The following ANKRD36 variants were observed in gnomAD, a reference collection of about 807,000 sequenced individuals.
ANKRD36 encodes ankyrin repeat domain-containing protein 36A.
A neutral mutation model predicts 278.1 loss-of-function variants in ANKRD36; 179 were observed. That is an observed-to-expected ratio of 0.64 (90% CI 0.57 to 0.73). The LOEUF (loss-of-function observed/expected upper bound fraction) is 0.73. Ranked by LOEUF, ANKRD36 falls within the 30% of genes least tolerant of loss-of-function variation. ANKRD36 has a pLI of 0.00. For synonymous variants in ANKRD36, 320 were observed against 641.1 expected (o/e 0.50, Z 7.57); for missense variants, 1,159 against 1,956.7 (o/e 0.59, Z 7.69).
chr2:97,218,369 G>C (rs1282705859), intron 64 of ANKRD36, among the ~76,000 whole-genome samples: 2 of 144,526 alleles, frequency 1.4e-5, no homozygotes, highest in African/African-American at 5.4e-5. Flanking sequence ...CTTTTTGATG[G>C]GGTTTATATA....
chr2:97,208,362 A>G (rs1413076468), intron 54 of ANKRD36, among the ~76,000 whole-genome samples: 1 of 146,622 alleles, frequency 6.8e-6, no homozygotes, highest in African/African-American at 2.7e-5. Context: ...TTCAGCTCGT[A>G]CTGCCAAGAA....
chr2:97,136,960 C>T (rs2041677861), intron 6 of ANKRD36, among the ~76,000 whole-genome samples: 1 of 151,910 alleles, frequency 6.6e-6, no homozygotes, highest in Non-Finnish European at 1.5e-5. Context: ...ATGCTAAGCA[C>T]ATAAGAAAGG....
chr2:97,220,777 T>TAAA (rs1486058675), intron 66 of ANKRD36, among the ~76,000 whole-genome samples: 2 of 94,526 alleles, frequency 2.1e-5, no homozygotes, highest in East Asian at 2.8e-4. Flanking sequence ...TTTTTTTAAT[T>TAAA]TTTTTTTTTT....
At chr2:97,220,602 A>C (rs1291149717) in intron 66 of ANKRD36, among the ~76,000 whole-genome samples, 1 of 151,682 alleles carries the variant, frequency 6.6e-6, no homozygotes, top group Non-Finnish European at 1.5e-5. Context: ...CCGTATATGT[A>C]TCACATTTTT....
At chr2:97,233,090 A>G (rs2072737413) in intron 67 of ANKRD36, among the ~76,000 whole-genome samples, 1 of 151,826 alleles carries the variant, frequency 6.6e-6, no homozygotes, top group Non-Finnish European at 1.5e-5. Flanking sequence ...AGAAGCCGTT[A>G]TGTGACAACT....
chr2:97,131,381 A>T (rs1445799831), intron 6 of ANKRD36, among the ~76,000 whole-genome samples: 1 of 151,828 alleles, frequency 6.6e-6, no homozygotes, highest in East Asian at 1.9e-4. Context: ...TTTATTTTTT[A>T]GAGACAAGGG....
At chr2:97,197,076 C>A (rs1203680495) in intron 42 of ANKRD36, among the ~76,000 whole-genome samples, 5 of 151,898 alleles carry the variant, frequency 3.3e-5, no homozygotes, top group Admixed American at 6.6e-5. Flanking sequence ...CTTTAATTCT[C>A]CAGCTTGTTT....
chr2:97,122,836 GTTGATAAATATGTAAT>G (rs2037272848), intron 3 of ANKRD36, 35 bp from the exon 4 acceptor site: 2 of 1,484,230 alleles, frequency 1.3e-6, no homozygotes, highest in East Asian at 5.3e-5. Flanking sequence ...TTTCAGTTCA[GTTGATAAATATGTAAT>G]TTTGTGATTA....
chr2:97,200,738 G>A (rs1223861159), intron 46 of ANKRD36, among the ~76,000 whole-genome samples: 1 of 151,878 alleles, frequency 6.6e-6, no homozygotes, highest in Non-Finnish European at 1.5e-5. Context: ...ATTACAATTG[G>A]GAGGAAGAAA....
chr2:97,164,445 A>G lies in ANKRD36; in HGVS notation c.1507A>G (p.Met503Val). ...CATTTCAACTAGATTCTTAGGAGGT[A>G]TGGATTCACTAACTTCCAGTGAAGG... is the stretch of plus-strand genomic sequence containing the variant. ...DHISTRFLGG[M>V]DSLTSSEESS... Residue 503 changes from methionine (M) to valine (V), a missense_variant, in exon 20 of 76, where the codon ATG (methionine) becomes GTG (valine). By Grantham distance (21) the Met-to-Val change is conservative. Coordinates refer to ENST00000420699, the MANE Select transcript of ANKRD36 (RefSeq NM_001354587.1). 5 of 1,537,222 alleles carry G rather than the reference A, an allele frequency of 3.3e-6. No individual in the cohort carries two copies. The highest frequency in any genetic ancestry group is 2.4e-5 in the East Asian group (1 of 40,900).
At chr2:97,194,684 A>G (rs765696655) in intron 38 of ANKRD36, 42 bp from the exon 39 acceptor site, 7 of 1,596,270 alleles carry the variant, frequency 4.4e-6, no homozygotes, top group Non-Finnish European at 6.0e-6. Flanking sequence ...TAACTTTATC[A>G]TATTTACATG....
chr2:97,191,314 A>G, intron 36 of ANKRD36, 133 bp downstream of exon 36: 2 of 1,145,504 alleles, frequency 1.7e-6, no homozygotes, highest in South Asian at 1.7e-5. Context: ...CTTCATTTGC[A>G]GTAAGTTCTT....
At chr2:97,127,320 G>A (rs982659803) in intron 6 of ANKRD36, among the ~76,000 whole-genome samples, 186 bp downstream of exon 6, 17 of 151,756 alleles carry the variant, frequency 1.1e-4, no homozygotes, top group Non-Finnish European at 1.9e-4. Flanking sequence ...TATAATGTCA[G>A]TATTGTTTGA....
At chr2:97,212,004 G>A (rs1177139750) in intron 58 of ANKRD36, among the ~76,000 whole-genome samples, 5 of 151,960 alleles carry the variant, frequency 3.3e-5, no homozygotes, top group Middle Eastern at 3.4e-3. Flanking sequence ...AGGCTCAGGG[G>A]ACAGCATCAT....
intron 67 of ANKRD36, among the ~76,000 whole-genome samples, chr2:97,231,950 C>A (rs2072276462): frequency 1.3e-5 from 2 of 152,208 alleles, no homozygotes; most frequent in East Asian, 3.9e-4. Flanking sequence ...TACCACAAGT[C>A]ATCTCCTAAT....
chr2:97,155,596 A>G (rs1166855007), intron 15 of ANKRD36, among the ~76,000 whole-genome samples: 1 of 146,278 alleles, frequency 6.8e-6, no homozygotes, highest in African/African-American at 2.4e-5. Context: ...TAAAATAACA[A>G]CCTGTTTGAT....
At position 97,209,677 on chromosome 2, in the gene ANKRD36, T is replaced by G. The variant is rs1369426712; in HGVS notation, c.3266-4T>G. 1.3e-6 allele frequency: 2 copies of G among 1,584,840 alleles called. No individual in the cohort carries two copies. Among genetic ancestry groups the G allele is most frequent in the African/African-American group, 2.9e-5 (2 of 68,354 alleles). ...AGTGATTATGTATCCCTTTTGCTTT[T>G]CAGTGTCTTCTCGGAAAAAACCAGC... is the stretch of plus-strand genomic sequence containing the variant. On this transcript the variant is annotated splice_polypyrimidine_tract_variant and splice_region_variant and intron_variant, in intron 54 of 75. Coordinates refer to ENST00000420699, the MANE Select transcript of ANKRD36 (RefSeq NM_001354587.1).
Position 97,164,435 on chromosome 2 carries a change from C to A in ANKRD36, c.1497C>A (p.Phe499Leu), listed in dbSNP as rs976624205. 130 of 1,537,296 alleles carry A rather than the reference C, an allele frequency of 8.5e-5. No homozygotes were observed. Among genetic ancestry groups the A allele is most frequent in the Non-Finnish European group, 1.1e-4 (129 of 1,146,818 alleles). ...VKDRDHISTR[F>L]LGGMDSLTSS... ...ACAGAGATCACATTTCAACTAGATT[C>A]TTAGGAGGTATGGATTCACTAACTT... Residue 499 changes from phenylalanine (F) to leucine (L), a missense_variant, in exon 20 of 76, where the codon TTC (phenylalanine) becomes TTA (leucine). Coordinates refer to ENST00000420699, the MANE Select transcript of ANKRD36 (RefSeq NM_001354587.1).
intron 3 of ANKRD36, among the ~76,000 whole-genome samples, chr2:97,121,419 T>C (rs2036795000): frequency 6.6e-6 from 1 of 152,074 alleles, no homozygotes; most frequent in Non-Finnish European, 1.5e-5. Context: ...GGCAGGTAGA[T>C]CACGAGGTCA....
Sources: allele counts gnomAD v4.1 joint callset (sites outside exome capture counted in the v4.1 genomes callset), GRCh38; gene constraint gnomAD v4.1.1; transcripts MANE v1.5; gene names NCBI Gene and HGNC (gene_info 2026-07-23, HGNC 2026-07-21).